The following NLGN4X variants were observed in gnomAD, a reference collection of about 807,000 sequenced individuals.
NLGN4X encodes neuroligin 4 X-linked.
NLGN4X carries 3 observed loss-of-function variants against 40.3 expected under a neutral mutation model. That is an observed-to-expected ratio of 0.07 (90% CI 0.03 to 0.19). The LOEUF is 0.19. Among genes scored for constraint, NLGN4X ranks in the 10% least tolerant of loss-of-function variants. The probability of loss-of-function intolerance (pLI) is 1.00; values close to 1 mark genes in which losing one functional copy is unlikely to be tolerated. For synonymous variants in NLGN4X, 270 were observed against 306.8 expected (o/e 0.88, Z 1.25); for missense variants, 382 against 708.3 (o/e 0.54, Z 5.23).
chrX:6,046,664 C>T (rs559209352), intron 2 of NLGN4X, among the ~76,000 whole-genome samples: 1 of 110,205 alleles, frequency 9.1e-6, no homozygotes, highest in East Asian at 2.8e-4. Context: ...TATATATATG[C>T]GCATAGACGA....
chrX:6,213,551 A>T (rs1472933189), intron 1 of NLGN4X, among the ~76,000 whole-genome samples: 2 of 112,440 alleles, frequency 1.8e-5, no homozygotes, highest in Non-Finnish European at 3.7e-5. Flanking sequence ...ATGCGTGTGG[A>T]GTTAAAGAGT....
intron 1 of NLGN4X, among the ~76,000 whole-genome samples, chrX:6,155,938 C>T (rs1380379173): frequency 6.2e-5 from 7 of 112,201 alleles, no homozygotes; most frequent in Non-Finnish European, 1.1e-4. Context: ...GCTATATACA[C>T]CGTTGGTGAG....
intron 2 of NLGN4X, among the ~76,000 whole-genome samples, chrX:6,049,368 T>A (rs1371884669): frequency 9.6e-6 from 1 of 103,829 alleles, no homozygotes; most frequent in Admixed American, 1.1e-4. Context: ...GCCCTCCCTA[T>A]ACCAGAAGGA....
At chrX:5,964,630 T>C (rs1325277640) in intron 3 of NLGN4X, among the ~76,000 whole-genome samples, 2 of 110,826 alleles carry the variant, frequency 1.8e-5, no homozygotes, top group African/African-American at 3.3e-5. Context: ...ACTTAGCCTC[T>C]CGAGCAGCTG....
intron 3 of NLGN4X, among the ~76,000 whole-genome samples, chrX:5,994,782 C>G (rs138520949): frequency 8.9e-6 from 1 of 111,775 alleles, no homozygotes; most frequent in African/African-American, 3.3e-5. Context: ...TGCAGAAGTT[C>G]GGCAGAAGGA....
At chrX:6,102,616 A>AAG (rs10699626) in intron 2 of NLGN4X, among the ~76,000 whole-genome samples, 28 of 105,980 alleles carry the variant, frequency 2.6e-4, no homozygotes, top group Admixed American at 4.1e-4. Flanking sequence ...TTGCTGAACT[A>AAG]AGAGAGAGAG....
intron 4 of NLGN4X, among the ~76,000 whole-genome samples, chrX:5,905,883 C>T (rs1019741985): frequency 9.0e-6 from 1 of 111,617 alleles, no homozygotes; most frequent in Non-Finnish European, 1.9e-5. Context: ...TCTTGAACTC[C>T]TGGACTCAAG....
intron 3 of NLGN4X, among the ~76,000 whole-genome samples, chrX:5,964,660 C>T (rs1372434557): frequency 1.8e-5 from 2 of 110,728 alleles, no homozygotes; most frequent in African/African-American, 6.6e-5. Context: ...GCACATGCCA[C>T]CATGACTGGC....
At chrX:6,145,366 A>G (rs1294943030) in intron 2 of NLGN4X, among the ~76,000 whole-genome samples, 2 of 112,494 alleles carry the variant, frequency 1.8e-5, no homozygotes, top group Non-Finnish European at 3.8e-5. Flanking sequence ...ACGAGATATG[A>G]AGATTGGTGA....
chrX:5,998,407 T>C (rs776470346), intron 3 of NLGN4X, among the ~76,000 whole-genome samples: 100 of 38,425 alleles, frequency 2.6e-3, no homozygotes, highest in African/African-American at 0.011. Flanking sequence ...GGAAACTCCT[T>C]CTCAAAAAAA....
intron 1 of NLGN4X, among the ~76,000 whole-genome samples, chrX:6,164,302 C>T (rs2040457864): frequency 8.9e-6 from 1 of 112,657 alleles, no homozygotes; most frequent in Admixed American, 9.4e-5. Context: ...CTTTAAAAGG[C>T]TTTCTCATTG....
chrX:5,892,778 C>A lies in NLGN4X; in HGVS notation c.*39G>T. 1 of 1,200,806 alleles carries A rather than the reference C, an allele frequency of 8.3e-7. No homozygotes were observed. Among genetic ancestry groups the A allele is most frequent in the Middle Eastern group, 2.3e-4 (1 of 4,329 alleles). ...TCCTTCCCTCTTCTATGTTGCTGAGCGGGTAGGGCAGAGGGATAGGAAGGG... is the reference window on the plus strand; with the variant it reads ...TCCTTCCCTCTTCTATGTTGCTGAGAGGGTAGGGCAGAGGGATAGGAAGGG... On this transcript the variant is annotated 3_prime_UTR_variant, in exon 6 of 6. Coordinates refer to ENST00000381095, the MANE Select transcript of NLGN4X (RefSeq NM_181332.3).
At chrX:6,202,822 A>G (rs754732330) in intron 1 of NLGN4X, among the ~76,000 whole-genome samples, 3 of 112,318 alleles carry the variant, frequency 2.7e-5, no homozygotes, top group Non-Finnish European at 5.6e-5. Context: ...AATAATGCTG[A>G]CCTTCACCTA....
intron 2 of NLGN4X, among the ~76,000 whole-genome samples, chrX:6,057,088 G>T (rs140833284): frequency 8.9e-5 from 10 of 111,929 alleles, no homozygotes; most frequent in Admixed American, 2.8e-4. Context: ...GTTGTCAATG[G>T]TGCCAATTTG....
intron 1 of NLGN4X, among the ~76,000 whole-genome samples, chrX:6,187,216 T>G (rs1327340192): frequency 3.9e-5 from 4 of 102,841 alleles, no homozygotes; most frequent in African/African-American, 1.4e-4. Flanking sequence ...GATTACAGGT[T>G]TGAGCCACCG....
chrX:6,124,727 C>A (rs2039504017), intron 2 of NLGN4X, among the ~76,000 whole-genome samples: 2 of 111,670 alleles, frequency 1.8e-5, no homozygotes, highest in South Asian at 7.4e-4. Context: ...ACTGAAGTAA[C>A]CCATACATGT....
chrX:6,128,849 A>C (rs182509613), intron 2 of NLGN4X, among the ~76,000 whole-genome samples: 3 of 112,482 alleles, frequency 2.7e-5, no homozygotes, highest in Non-Finnish European at 5.6e-5. Context: ...TGCTATCATA[A>C]AACATGTAAC....
chrX:5,994,520 T>C (rs1447159957), intron 3 of NLGN4X, among the ~76,000 whole-genome samples: 1 of 111,989 alleles, frequency 8.9e-6, no homozygotes. Context: ...GGCAAAATGG[T>C]GAAAATTTTG....
chrX:6,068,775 C>T (rs1351505877), intron 2 of NLGN4X, among the ~76,000 whole-genome samples: 4 of 111,018 alleles, frequency 3.6e-5, no homozygotes, highest in Non-Finnish European at 7.5e-5. Flanking sequence ...AGCTAAGATC[C>T]ACTCATTTTT....
Sources: gnomAD v4.1 joint callset for allele counts (sites outside exome capture counted in the v4.1 genomes callset) on GRCh38, gnomAD v4.1.1 for gene constraint, MANE v1.5 for transcripts, NCBI Gene and HGNC (gene_info 2026-07-23, HGNC 2026-07-21) for gene names.